DLG3: variants seen among roughly 807,000 people sequenced by gnomAD.
The protein encoded by DLG3 is disks large homolog 3.
DLG3 carries 1 observed loss-of-function variant against 64.1 expected under a neutral mutation model. That is an observed-to-expected ratio of 0.02 (90% CI 0.01 to 0.07). The LOEUF (loss-of-function observed/expected upper bound fraction) is 0.07, where lower values mean the gene tolerates loss of function less well. DLG3 is among the 10% of genes least tolerant of loss of function. The probability of loss-of-function intolerance (pLI) is 1.00; values close to 1 mark genes in which losing one functional copy is unlikely to be tolerated. For synonymous variants in DLG3, 245 were observed against 259.8 expected (o/e 0.94, Z 0.55); for missense variants, 429 against 669.5 (o/e 0.64, Z 3.96).
chrX:70,492,444 G>T, intron 11 of DLG3, 77 bp from the exon 12 acceptor site: 2 of 1,126,333 alleles, frequency 1.8e-6, no homozygotes, highest in Non-Finnish European at 2.4e-6. Context: ...CCAAAAAAAT[G>T]GCTGCTGTGC....
intron 18 of DLG3, 85 bp downstream of exon 18, chrX:70,501,074 A>G (rs1569297974): frequency 1.3e-6 from 1 of 759,452 alleles, no homozygotes; most frequent in East Asian, 3.5e-5. Flanking sequence ...GTGTAGACAG[A>G]ATGTAGAAAC....
At position 70,445,095 on chromosome X, in the gene DLG3, G is replaced by A. The variant is rs774045148; in HGVS notation, c.-107G>A. 1.4e-5 allele frequency: 9 copies of A among 642,879 alleles called. No individual in the cohort carries two copies. The African/African-American group carries it at 1.7e-4, about 12-fold the overall frequency. 53.0% of individuals were successfully genotyped at this position (642,879 alleles called of 1,213,427 possible). A position where few individuals can be genotyped will look rare whatever the true frequency, so the allele number is the denominator to read the frequency against. On this transcript the variant is annotated 5_prime_UTR_variant, in exon 1 of 19. The change creates a new upstream start codon in the 5' untranslated region. Transcript: ENST00000374360. ...CCCCCCCCTTCTTGGTCCGAGCAGT[G>A]TGAGTGTGCCAGGGAGCCCGGCGGC...
chrX:70,485,083 G>A (rs1431312917), intron 10 of DLG3, among the ~76,000 whole-genome samples: 1 of 111,946 alleles, frequency 8.9e-6, no homozygotes, highest in African/African-American at 3.3e-5. Flanking sequence ...CCTTTATCCA[G>A]TACTTTCTGG....
chrX:70,479,156 G>A lies in DLG3; in HGVS notation c.1412G>A (p.Ser471Asn), dbSNP rs2087109697. ...TCCCTTGTTTCCGTGACAGAATACA[G>A]TCGCTTTGAATCGAAGATACATGAC... ...IVAQYRPEEY[S>N]RFESKIHDLR... The change falls in exon 10 of 19, where the codon AGT becomes AAT. Residue 471 changes from serine to asparagine, a missense_variant. Ser to Asn is a conservative substitution (Grantham distance 46). This residue lies in a region of DLG3 where 46 missense variants were observed against 52.3 expected (regional missense o/e 0.88). Coordinates refer to ENST00000374360, the MANE Select transcript of DLG3 (RefSeq NM_021120.4). The A allele has an allele frequency of 1.7e-6, 2 of 1,204,910 alleles. No individual in the cohort carries two copies. Among genetic ancestry groups the A allele is most frequent in the Non-Finnish European group, 2.2e-6 (2 of 890,426 alleles).
intron 12 of DLG3, among the ~76,000 whole-genome samples, chrX:70,493,945 A>G (rs1401861182): frequency 8.9e-6 from 1 of 112,567 alleles, no homozygotes; most frequent in East Asian, 2.8e-4. Flanking sequence ...TTTTCTTCCC[A>G]GGATCCCTGG....
At chrX:70,462,108 C>T (rs913607293) in intron 9 of DLG3, among the ~76,000 whole-genome samples, 15 of 97,926 alleles carry the variant, frequency 1.5e-4, no homozygotes, top group African/African-American at 5.6e-4. Flanking sequence ...AAAGTTGCCT[C>T]TTCTGGCCAG....
At position 70,497,268 on chromosome X, in the gene DLG3, C is replaced by T. The variant is rs1241585821; in HGVS notation, c.1820-1252C>T. On this transcript the variant is annotated intron_variant, in intron 13 of 18. Coordinates refer to ENST00000374360, the MANE Select transcript of DLG3 (RefSeq NM_021120.4). The stretch of plus-strand genomic sequence containing the variant: ...CATGTCGTGTAGCTCCACTGTGTAT[C>T]CCAGCCATCCTCATTCCAGTGTTGC... 10 of 1,137,561 alleles carry T rather than the reference C, an allele frequency of 8.8e-6. No homozygotes were observed. In the East Asian group the frequency reaches 2.7e-4, roughly 31 times the overall value. 93.7% of individuals were successfully genotyped at this position (1,137,561 alleles called of 1,213,427 possible).
intron 9 of DLG3, among the ~76,000 whole-genome samples, chrX:70,476,283 T>C (rs2087053636): frequency 9.0e-6 from 1 of 111,725 alleles, no homozygotes; most frequent in Non-Finnish European, 1.9e-5. Flanking sequence ...GAGATTTTAG[T>C]GTTGCTTCTT....
chrX:70,465,999 GA>G (rs2086878086), intron 9 of DLG3, among the ~76,000 whole-genome samples: 1 of 110,826 alleles, frequency 9.0e-6, no homozygotes, highest in Non-Finnish European at 1.9e-5. Flanking sequence ...TTTTAAGGTG[GA>G]ATTAATTGGA....
At chrX:70,449,943 G>A (rs1323057739) in intron 4 of DLG3, 84 bp downstream of exon 4, 3 of 1,091,360 alleles carry the variant, frequency 2.7e-6, no homozygotes, top group Non-Finnish European at 3.7e-6. Context: ...GGAAGGGAAT[G>A]GCCTTACTCC....
At chrX:70,447,327 G>T (rs1288246879) in intron 1 of DLG3, among the ~76,000 whole-genome samples, 4 of 112,082 alleles carry the variant, frequency 3.6e-5, no homozygotes, top group Non-Finnish European at 3.8e-5. Context: ...AGAGCCACAT[G>T]GGTGTCCCTT....
intron 10 of DLG3, among the ~76,000 whole-genome samples, chrX:70,481,955 C>G (rs2087162207): frequency 8.9e-6 from 1 of 112,082 alleles, no homozygotes; most frequent in African/African-American, 3.2e-5. Flanking sequence ...CTTTACTGAA[C>G]TACAGACCTG....
rs1046132404 is a variant in DLG3 at position 70,452,025 on chromosome X, A to G, written c.1144A>G (p.Arg382Gly). The G allele has an allele frequency of 8.3e-7, 1 of 1,210,028 alleles. No individual in the cohort carries two copies. Among genetic ancestry groups the G allele is most frequent in the Admixed American group, 2.2e-5 (1 of 45,984 alleles). The stretch of plus-strand genomic sequence containing the variant: ...CATGCTGGCTGAGGAGGACTTCACC[A>G]GGTAAGACCCCGCCCCCAACATCCC... ...RHMLAEEDFT[R>G]EPRKIILHKG... The change falls in exon 7 of 19, where the codon AGA becomes GGA. Residue 382 changes from arginine (R) to glycine (G), a missense_variant and splice_region_variant. Transcript: ENST00000374360.
At chrX:70,466,813 A>G (rs1393735070) in intron 9 of DLG3, among the ~76,000 whole-genome samples, 1 of 111,895 alleles carries the variant, frequency 8.9e-6, no homozygotes, top group Non-Finnish European at 1.9e-5. Flanking sequence ...AATGTTTTGT[A>G]TATTTTGCCT....
chrX:70,475,128 C>T (rs2087031593), intron 9 of DLG3, among the ~76,000 whole-genome samples: 1 of 109,123 alleles, frequency 9.2e-6, no homozygotes. Flanking sequence ...GTCAGGAGTT[C>T]GAGACCAGCC....
chrX:70,453,092 G>T, intron 7 of DLG3: 1 of 202,736 alleles, frequency 4.9e-6, no homozygotes, highest in East Asian at 9.9e-5. Context: ...GCTACATAGT[G>T]TTAGCTGCTG....
At position 70,502,264 on chromosome X, in the gene DLG3, CT is replaced by C; in HGVS notation, c.2450del (p.Leu817ProfsTer11). The C allele has an allele frequency of 8.5e-7, 1 of 1,178,804 alleles. No individual in the cohort carries two copies. Among genetic ancestry groups the C allele is most frequent in the Non-Finnish European group, 1.2e-6 (1 of 866,407 alleles). ...CATTTGGGTCCCATCCCCTGAAAAA[CT>C]CTGAAGAATCCCCTCCAACCATTCT... ...HYIWVPSPEK[L>X] On this transcript the variant is annotated frameshift_variant, in exon 19 of 19. Transcript: ENST00000374360. LOFTEE classifies it high-confidence loss of function.
chrX:70,454,498 A>G (rs770402646), intron 9 of DLG3, among the ~76,000 whole-genome samples, 182 bp downstream of exon 9: 45 of 112,168 alleles, frequency 4.0e-4, no homozygotes, highest in African/African-American at 1.5e-3. Context: ...GAAAGCATCA[A>G]TTAAGGCTGT....
intron 6 of DLG3, among the ~76,000 whole-genome samples, chrX:70,451,391 G>A (rs970406895): frequency 4.5e-5 from 5 of 111,415 alleles, no homozygotes; most frequent in Admixed American, 9.5e-5. Flanking sequence ...TTGAGCCACC[G>A]TGCCTGGCCC....
Sources: gnomAD v4.1 joint callset for allele counts (sites outside exome capture counted in the v4.1 genomes callset) on GRCh38, gnomAD v4.1.1 for gene constraint, gnomAD v4.1.1 regional missense constraint, MANE v1.5 for transcripts, NCBI Gene and HGNC (gene_info 2026-07-23, HGNC 2026-07-21) for gene names.